NALCN: variants seen among roughly 807,000 people sequenced by gnomAD.
NALCN encodes sodium leak channel NALCN.
NALCN carries 111 observed loss-of-function variants against 225.3 expected under a neutral mutation model. That is an observed-to-expected ratio of 0.49 (90% CI 0.42 to 0.58). The LOEUF is 0.58. Ranked by LOEUF, NALCN falls within the 20% of genes least tolerant of loss-of-function variation. The pLI, the probability that NALCN is intolerant of heterozygous loss-of-function variation, is 0.00. For synonymous variants in NALCN, 764 were observed against 769.0 expected (o/e 0.99, Z 0.11); for missense variants, 1,378 against 2,202.4 (o/e 0.63, Z 7.49).
At chr13:101,364,577 G>A (rs1399894530) in intron 6 of NALCN, among the ~76,000 whole-genome samples, 3 of 152,090 alleles carry the variant, frequency 2.0e-5, no homozygotes, top group African/African-American at 7.2e-5. Flanking sequence ...CCAGAGAAGG[G>A]GAAGGGTAAA....
At chr13:101,343,234 TA>T (rs1042139560) in intron 7 of NALCN, among the ~76,000 whole-genome samples, 15 of 152,290 alleles carry the variant, frequency 9.8e-5, no homozygotes, top group African/African-American at 3.6e-4. Context: ...AATTTCAATC[TA>T]AATTATAACG....
intron 6 of NALCN, among the ~76,000 whole-genome samples, chr13:101,369,165 A>AGTGTGTGTGTGTGTGT (rs2046465748): frequency 9.6e-6 from 1 of 103,826 alleles, no homozygotes; most frequent in Non-Finnish European, 2.1e-5. Flanking sequence ...AGACAAAATA[A>AGTGTGTGTGTGTGTGT]ATGTGTGTGT....
At chr13:101,245,603 T>G (rs2041871454) in intron 11 of NALCN, among the ~76,000 whole-genome samples, 1 of 152,132 alleles carries the variant, frequency 6.6e-6, no homozygotes, top group Non-Finnish European at 1.5e-5. Flanking sequence ...CCTTTGGAGG[T>G]GATTTTACTC....
intron 14 of NALCN, among the ~76,000 whole-genome samples, chr13:101,183,849 C>T (rs903881345): frequency 6.6e-6 from 1 of 152,080 alleles, no homozygotes; most frequent in African/African-American, 2.4e-5. Flanking sequence ...AATGACACCA[C>T]CTTTCATCTC....
chr13:101,086,762 T>C (rs1429611974), intron 30 of NALCN, among the ~76,000 whole-genome samples: 2 of 152,166 alleles, frequency 1.3e-5, no homozygotes, highest in Non-Finnish European at 2.9e-5. Flanking sequence ...ACTTGTTTAA[T>C]TTTTGCTTTG....
intron 10 of NALCN, among the ~76,000 whole-genome samples, chr13:101,270,264 G>T (rs2042732306): frequency 6.6e-6 from 1 of 151,944 alleles, no homozygotes; most frequent in African/African-American, 2.4e-5. Context: ...AAGTCAGGAA[G>T]GACTACAATA....
rs1377939116 is a variant in NALCN at position 101,074,394 on chromosome 13, A to G, written c.4103+120T>C. On this transcript the variant is annotated intron_variant, in intron 36 of 43. Transcript: ENST00000251127. The stretch of plus-strand genomic sequence containing the variant: ...CTTGGCTATTTTATTTTAATTTCCA[A>G]CTGATTACTTCCCTTTCCCCTCTCC... 6.7e-5 allele frequency: 60 copies of G among 891,478 alleles called. No homozygotes were observed. In the East Asian group the frequency reaches 1.8e-3, roughly 27 times the overall value. 55.2% of individuals were successfully genotyped at this position (891,478 alleles called of 1,614,324 possible).
rs2034104893 is a variant in NALCN at position 101,089,472 on chromosome 13, G to A, written c.3489+191C>T. 6.6e-6 allele frequency among the ~76,000 whole-genome samples: 1 copy of A among 152,218 alleles called. No homozygotes were observed. Among genetic ancestry groups the A allele is most frequent in the African/African-American group, 2.4e-5 (1 of 41,466 alleles). On this transcript the variant is annotated intron_variant, in intron 30 of 43. Transcript: ENST00000251127. This position sits in a 1 kb window ranked among gnomAD's most constrained non-coding sequence, Gnocchi z 4.7. ...TACCAAAAGGGTAAATTTAGCAAGAGAACTGTACTCTTAAATAATGTGTCT... is the reference window on the plus strand; with the variant it reads ...TACCAAAAGGGTAAATTTAGCAAGAAAACTGTACTCTTAAATAATGTGTCT...
chr13:101,151,928 G>T (rs2037670259), intron 15 of NALCN, among the ~76,000 whole-genome samples: 1 of 152,124 alleles, frequency 6.6e-6, no homozygotes, highest in Non-Finnish European at 1.5e-5. Context: ...TCTTCAGGTG[G>T]GTGGGCACTG....
At chr13:101,192,882 T>A (rs1049926905) in intron 13 of NALCN, among the ~76,000 whole-genome samples, 7 of 152,186 alleles carry the variant, frequency 4.6e-5, no homozygotes, top group African/African-American at 1.7e-4. Context: ...TATGATGATA[T>A]CTGGAGCAAG....
chr13:101,083,299 T>C, intron 31 of NALCN, 101 bp from the exon 32 acceptor site: 2 of 1,003,888 alleles, frequency 2.0e-6, no homozygotes, highest in Non-Finnish European at 3.0e-6. Context: ...CCATTACATT[T>C]TTCTCCCCAA....
rs1315503208 is a variant in NALCN, at chr13:101,107,781, A to G, written c.2373T>C (p.Asn791=). The change falls in exon 21 of 44, where the codon AAT becomes AAC. Residue 791 remains asparagine, a synonymous_variant. Transcript: ENST00000251127. ...TTTGTGCATTTCTATATCTCACTGT[A>G]TTGGAATGCTAGAAATAAATTAACA... ...SLETLTQDHS[N]TVRYRNAQRE... 1 of 1,610,924 alleles carries G rather than the reference A, an allele frequency of 6.2e-7. No homozygotes were observed. The highest frequency in any genetic ancestry group is 8.5e-7 in the Non-Finnish European group (1 of 1,179,054).
chr13:101,336,916 A>G (rs1478182236), intron 7 of NALCN, among the ~76,000 whole-genome samples: 2 of 152,200 alleles, frequency 1.3e-5, no homozygotes, highest in Admixed American at 6.5e-5. Context: ...AAATACACAC[A>G]AAACTTACTA....
intron 15 of NALCN, among the ~76,000 whole-genome samples, chr13:101,159,133 T>G (rs1471025138): frequency 6.6e-6 from 1 of 152,242 alleles, no homozygotes; most frequent in Non-Finnish European, 1.5e-5. Context: ...GAAAGTTTGA[T>G]GGCATATTAA....
chr13:101,272,167 AGT>A (rs374350284), intron 10 of NALCN, among the ~76,000 whole-genome samples: 205 of 150,884 alleles, frequency 1.4e-3, no homozygotes, highest in Middle Eastern at 3.5e-3. Flanking sequence ...AGCCTGTATG[AGT>A]GTGTGTGTGT....
intron 26 of NALCN, among the ~76,000 whole-genome samples, 164 bp from the exon 27 acceptor site, chr13:101,101,052 A>G (rs112838977): frequency 1.9e-4 from 29 of 152,282 alleles, no homozygotes; most frequent in African/African-American, 7.0e-4. Context: ...AATTAGCCTT[A>G]CTGGAAGGTC....
chr13:101,272,521 A>G (rs576730649), intron 10 of NALCN, among the ~76,000 whole-genome samples: 2 of 152,356 alleles, frequency 1.3e-5, no homozygotes, highest in South Asian at 4.1e-4. Flanking sequence ...TCAAGGAATC[A>G]GAGATCACTC....
At chr13:101,182,133 CAAAAAAAAAA>C (rs34387567) in intron 14 of NALCN, among the ~76,000 whole-genome samples, 2 of 73,448 alleles carry the variant, frequency 2.7e-5, no homozygotes, top group Admixed American at 4.0e-4. Flanking sequence ...GACTCCATCT[CAAAAAAAAAA>C]AAAAAAAAAA....
intron 7 of NALCN, among the ~76,000 whole-genome samples, chr13:101,342,931 T>A (rs2045603205): frequency 6.6e-6 from 1 of 152,152 alleles, no homozygotes; most frequent in Admixed American, 6.5e-5. Flanking sequence ...ATAAGTGAAT[T>A]GAAATTCATG....
Sources: allele counts gnomAD v4.1 joint callset (sites outside exome capture counted in the v4.1 genomes callset), GRCh38; gene constraint gnomAD v4.1.1; non-coding constraint Gnocchi (gnomAD v3.1); transcripts MANE v1.5; gene names NCBI Gene and HGNC (gene_info 2026-07-23, HGNC 2026-07-21).